The following TUSC3 variants were observed in gnomAD, a reference collection of about 807,000 sequenced individuals.
TUSC3 encodes the protein dolichyl-diphosphooligosaccharide--protein glycosyltransferase subunit TUSC3.
In TUSC3, 45 loss-of-function variants were observed where a neutral mutation model predicts 44.8. That is an observed-to-expected ratio of 1.00 (90% confidence interval 0.79 to 1.29). TUSC3 has a LOEUF of 1.29. Among genes scored for constraint, TUSC3 ranks in the 50% most tolerant of loss-of-function variants. The pLI, the probability that TUSC3 is intolerant of heterozygous loss-of-function variation, is 0.00. For missense variants in TUSC3, 519 were observed against 437.9 expected, an observed-to-expected ratio of 1.19 and a Z score of -1.65; for synonymous variants, 212 against 152.9, an observed-to-expected ratio of 1.39 and a Z score of -2.85.
At chr8:15,717,922 T>G (rs1430852268) in intron 6 of TUSC3, among the ~76,000 whole-genome samples, 1 of 152,108 alleles carries the variant, frequency 6.6e-6, no homozygotes, top group Non-Finnish European at 1.5e-5. Context: ...AAGATTCTAT[T>G]TTGCCTTGCA....
intron 1 of TUSC3, among the ~76,000 whole-genome samples, chr8:15,573,669 A>T (rs143769788): frequency 1.3e-5 from 2 of 152,070 alleles, no homozygotes; most frequent in Non-Finnish European, 2.9e-5. Context: ...AGGGGCTGCT[A>T]GCAAACCTCT....
At chr8:15,679,950 A>G (rs1277528610) in intron 6 of TUSC3, among the ~76,000 whole-genome samples, 3 of 151,944 alleles carry the variant, frequency 2.0e-5, no homozygotes, top group Admixed American at 6.6e-5. Flanking sequence ...CTGCATGTCT[A>G]TTTTTGTACC....
At chr8:15,645,516 C>A (rs1324243700) in intron 2 of TUSC3, among the ~76,000 whole-genome samples, 1 of 152,042 alleles carries the variant, frequency 6.6e-6, no homozygotes, top group East Asian at 1.9e-4. Flanking sequence ...AGTCTACATT[C>A]CTCTTTAAAA....
chr8:15,493,228 A>G (rs1563265473), intron 2 of TUSC3, among the ~76,000 whole-genome samples: 1 of 152,146 alleles, frequency 6.6e-6, no homozygotes, highest in East Asian at 1.9e-4. Flanking sequence ...ATTTGACTCT[A>G]TTGTATGAGT....
At chr8:15,672,606 A>G (rs1460196647) in intron 5 of TUSC3, among the ~76,000 whole-genome samples, 2 of 152,066 alleles carry the variant, frequency 1.3e-5, no homozygotes, top group Admixed American at 1.3e-4. Flanking sequence ...CTTTAAACAT[A>G]CCAGTGGTAG....
chr8:15,540,110 G>A (rs1327357792), upstream of TUSC3: 4 of 316,340 alleles, frequency 1.3e-5, no homozygotes, highest in Admixed American at 1.0e-4. Context: ...AGGGCCAAAG[G>A]ACCACTCCTC....
At chr8:15,848,039 G>A in the TUSC3 span, among the ~76,000 whole-genome samples, 403 of 152,178 alleles carry the variant, frequency 2.6e-3, 1 homozygote, top group African/African-American at 8.7e-3. Context: ...CTTTCTTTCT[G>A]CTTTTCAGGA....
intron 1 of TUSC3, among the ~76,000 whole-genome samples, chr8:15,617,874 A>G (rs1805063351): frequency 1.3e-5 from 2 of 152,178 alleles, no homozygotes; most frequent in African/African-American, 4.8e-5. Context: ...TTATTTAAAG[A>G]CAAAAGTATG....
rs1376942755 is a variant in TUSC3, at chr8:15,642,192, TG to T, written c.309-8504del. 3.9e-5 allele frequency among the ~76,000 whole-genome samples: 6 copies of T among 152,320 alleles called. No homozygotes were observed. The South Asian group carries it at 8.3e-4, about 21-fold the overall frequency. ...AGAATAGTTGCTTGTCATGGAATTT[TG>T]TAGTATCACAAGATAGATCTCTCTC... On this transcript the variant is annotated intron_variant, in intron 2 of 10. Transcript: ENST00000503731.
chr8:15,603,104 A>G (rs901937472), intron 1 of TUSC3, among the ~76,000 whole-genome samples: 2 of 151,630 alleles, frequency 1.3e-5, no homozygotes, highest in Non-Finnish European at 1.5e-5. Flanking sequence ...GACAGAAGAT[A>G]TCATAGTTGC....
In TUSC3 at chr8:15,545,395, A is replaced by G. The variant is rs554431572; in HGVS notation, c.138+4827A>G. ...ACCAAGGTCTTTAAAAATGGGCAGT[A>G]CACTTCTTTGACCTCTTCTCTAAAG... On this transcript the variant is annotated intron_variant, in intron 1 of 10. Coordinates refer to ENST00000503731, the MANE Select transcript of TUSC3 (RefSeq NM_006765.4). 9.2e-5 allele frequency among the ~76,000 whole-genome samples: 14 copies of G among 151,736 alleles called. 1 individual carries two copies. The South Asian group carries it at 2.9e-3, about 32-fold the overall frequency.
At chr8:15,674,764 A>G (rs7821487) in intron 6 of TUSC3, among the ~76,000 whole-genome samples, 5,527 of 152,140 alleles carry the variant, frequency 0.036, 356 homozygotes, top group African/African-American at 0.13. Flanking sequence ...TAAGTTAGAC[A>G]TAGTTTTTGC....
intron 9 of TUSC3, among the ~76,000 whole-genome samples, chr8:15,752,805 G>C (rs918007477): frequency 6.6e-6 from 1 of 152,114 alleles, no homozygotes; most frequent in Admixed American, 6.5e-5. Context: ...TCAATAATCT[G>C]ATAGCCAAAG....
At chr8:15,615,399 A>G (rs1428077900) in intron 1 of TUSC3, among the ~76,000 whole-genome samples, 1 of 152,204 alleles carries the variant, frequency 6.6e-6, no homozygotes, top group Non-Finnish European at 1.5e-5. Context: ...TATGGGAGTT[A>G]AAAAGAAACC....
At chr8:15,788,036 T>G in the TUSC3 span, among the ~76,000 whole-genome samples, 2 of 152,194 alleles carry the variant, frequency 1.3e-5, no homozygotes, top group Non-Finnish European at 2.9e-5. Context: ...TCAAACTCCC[T>G]GAATGGTCTG....
intron 2 of TUSC3, among the ~76,000 whole-genome samples, chr8:15,487,065 C>T (rs905172633): frequency 6.6e-6 from 1 of 152,160 alleles, no homozygotes; most frequent in Non-Finnish European, 1.5e-5. Context: ...TTCCCTTCTT[C>T]TATGACAAAC....
At chr8:15,775,496 C>CA in the TUSC3 span, among the ~76,000 whole-genome samples, 1 of 151,944 alleles carries the variant, frequency 6.6e-6, no homozygotes, top group South Asian at 2.1e-4. Context: ...ATTGTGCATA[C>CA]AGCTATATAA....
chr8:15,711,938 C>T (rs1007587834), intron 6 of TUSC3, among the ~76,000 whole-genome samples: 2 of 151,750 alleles, frequency 1.3e-5, no homozygotes, highest in African/African-American at 2.4e-5. Context: ...AAATAATAAC[C>T]AAGACACAAA....
rs573418957 is a variant in TUSC3 at position 15,743,810 on chromosome 8, G to A, written c.937+198G>A. Among the ~76,000 whole-genome samples the A allele has an allele frequency of 7.2e-5, 11 of 152,244 alleles. 1 individual carries two copies. Among genetic ancestry groups the A allele is most frequent in the South Asian group, 4.1e-4 (2 of 4,828 alleles). The stretch of plus-strand genomic sequence containing the variant: ...TATTTCTTCCAAAGGGGACTGGGTC[G>A]TTTTCTGTTGATTTGCTTATAAAGT... On this transcript the variant is annotated intron_variant, in intron 8 of 10. Transcript: ENST00000503731.
Sources: allele counts gnomAD v4.1 joint callset (sites outside exome capture counted in the v4.1 genomes callset), GRCh38; gene constraint gnomAD v4.1.1; transcripts MANE v1.5; gene names NCBI Gene and HGNC (gene_info 2026-07-23, HGNC 2026-07-21).